MTUS2: variants seen among roughly 807,000 people sequenced by gnomAD.
MTUS2 encodes microtubule-associated tumor suppressor candidate 2.
A neutral mutation model predicts 114.1 loss-of-function variants in MTUS2; 40 were observed. The observed-to-expected ratio is 0.35, with a 90% CI of 0.27 to 0.46. The LOEUF (loss-of-function observed/expected upper bound fraction) is 0.46, where lower values mean the gene tolerates loss of function less well. Among genes scored for constraint, MTUS2 ranks in the 20% least tolerant of loss-of-function variants. MTUS2 has a pLI of 1.00. For missense variants in MTUS2, 1,679 were observed against 1,705.4 expected, an observed-to-expected ratio of 0.98 and a Z score of 0.27; for synonymous variants, 688 against 672.0, an observed-to-expected ratio of 1.02 and a Z score of -0.37.
At chr13:28,952,434 T>A (rs1882856559) in intron 2 of MTUS2, among the ~76,000 whole-genome samples, 1 of 152,256 alleles carries the variant, frequency 6.6e-6, no homozygotes, top group Admixed American at 6.5e-5. Flanking sequence ...TCCTGCAAAT[T>A]AGTAGATGCA....
chr13:29,210,690 T>C (rs1213977601), intron 5 of MTUS2, among the ~76,000 whole-genome samples: 3 of 152,274 alleles, frequency 2.0e-5, no homozygotes, highest in South Asian at 2.1e-4. Flanking sequence ...ATTATTGTTG[T>C]ATTTTTTCTG....
chr13:29,095,074 G>A (rs928614014), intron 4 of MTUS2, among the ~76,000 whole-genome samples: 1 of 151,772 alleles, frequency 6.6e-6, no homozygotes, highest in African/African-American at 2.4e-5. Flanking sequence ...TTGTTTTATG[G>A]CCTAAGATAT....
intron 5 of MTUS2, among the ~76,000 whole-genome samples, chr13:29,171,643 A>G (rs1452007423): frequency 6.6e-6 from 1 of 152,200 alleles, no homozygotes; most frequent in Non-Finnish European, 1.5e-5. Flanking sequence ...CAAAACAATT[A>G]TGGTTTGAAC....
rs555233880 is a variant in MTUS2 at position 29,348,683 on chromosome 13, G to A, written c.2906-10579G>A. Among the ~76,000 whole-genome samples the A allele has an allele frequency of 6.6e-5, 10 of 152,320 alleles. No individual in the cohort carries two copies. The East Asian group carries it at 1.9e-3, about 29-fold the overall frequency. On this transcript the variant is annotated intron_variant, in intron 7 of 15. Transcript: ENST00000612955. ...AATCTCAGACTGTAATTGCAGACTT[G>A]TCTGTTTCCTTTGTCAATTTTATCA...
intron 2 of MTUS2, among the ~76,000 whole-genome samples, chr13:28,955,484 A>C (rs959518284): frequency 5.9e-5 from 9 of 152,054 alleles, no homozygotes; most frequent in African/African-American, 2.2e-4. Context: ...TAAATAGCTT[A>C]ATGATGCCGC....
intron 2 of MTUS2, among the ~76,000 whole-genome samples, chr13:28,997,468 C>G (rs1451027008): frequency 6.6e-6 from 1 of 152,170 alleles, no homozygotes; most frequent in Non-Finnish European, 1.5e-5. Context: ...TCTCGTTGAT[C>G]TGTCTAATGT....
chr13:29,245,685 T>A (rs1256857028), intron 5 of MTUS2, among the ~76,000 whole-genome samples: 1 of 150,472 alleles, frequency 6.6e-6, no homozygotes. Flanking sequence ...TAGTATTTCA[T>A]CTATTTTAAT....
intron 13 of MTUS2, 143 bp downstream of exon 13, chr13:29,497,479 A>T (rs1882628467): frequency 3.0e-6 from 2 of 671,372 alleles, no homozygotes; most frequent in Non-Finnish European, 5.3e-6. Flanking sequence ...CCTCCCCTGG[A>T]TTTTTAAACA....
At chr13:28,978,872 T>G (rs1884232780) in intron 2 of MTUS2, among the ~76,000 whole-genome samples, 1 of 152,200 alleles carries the variant, frequency 6.6e-6, no homozygotes, top group Admixed American at 6.5e-5. Context: ...CTCTGACAGC[T>G]AAGATTGGTG....
At chr13:28,931,218 C>T (rs2138089735) in intron 2 of MTUS2, among the ~76,000 whole-genome samples, 1 of 152,176 alleles carries the variant, frequency 6.6e-6, no homozygotes, top group African/African-American at 2.4e-5. Context: ...TTCAATCAAC[C>T]ACCAATTGAA....
chr13:29,114,000 A>ACCT (rs1172381938), intron 5 of MTUS2, among the ~76,000 whole-genome samples: 4 of 151,348 alleles, frequency 2.6e-5, no homozygotes, highest in African/African-American at 9.7e-5. Context: ...AATGTGTGAC[A>ACCT]CCTCCCCCTG....
chr13:28,915,180 CTTTA>C (rs200225894), intron 2 of MTUS2, among the ~76,000 whole-genome samples: 3,471 of 151,900 alleles, frequency 0.023, 130 homozygotes, highest in African/African-American at 0.078. Context: ...ACCATATTTT[CTTTA>C]TTTATTCATC....
chr13:29,361,948 C>T (rs551384293), intron 8 of MTUS2, among the ~76,000 whole-genome samples: 2 of 152,328 alleles, frequency 1.3e-5, no homozygotes, highest in South Asian at 4.1e-4. Flanking sequence ...GAGTCAGTTC[C>T]ATCTCTGCCC....
chr13:29,315,930 T>C (rs1269620089), intron 6 of MTUS2, among the ~76,000 whole-genome samples: 2 of 152,096 alleles, frequency 1.3e-5, no homozygotes, highest in Non-Finnish European at 2.9e-5. Flanking sequence ...AAGTTTAAGG[T>C]GATGACAAGG....
intron 5 of MTUS2, among the ~76,000 whole-genome samples, chr13:29,103,114 AT>A (rs1403026849): frequency 6.6e-6 from 1 of 152,150 alleles, no homozygotes; most frequent in Non-Finnish European, 1.5e-5. Context: ...CATAGGATTC[AT>A]TTAAGGAATA....
chr13:28,925,863 T>A (rs1056357529), intron 2 of MTUS2, among the ~76,000 whole-genome samples: 2 of 152,228 alleles, frequency 1.3e-5, no homozygotes, highest in Non-Finnish European at 2.9e-5. Context: ...TGGTTGCTCT[T>A]ATTATGAAAC....
chr13:28,979,960 AGAG>A (rs1405856599), intron 2 of MTUS2, among the ~76,000 whole-genome samples: 2 of 152,196 alleles, frequency 1.3e-5, no homozygotes, highest in Non-Finnish European at 2.9e-5. Context: ...AACACCCAGA[AGAG>A]AATTAGGGAG....
chr13:29,196,593 C>T (rs1894713241), intron 5 of MTUS2, among the ~76,000 whole-genome samples: 1 of 152,106 alleles, frequency 6.6e-6, no homozygotes, highest in Non-Finnish European at 1.5e-5. Context: ...GAACTGAAAC[C>T]TTTTACACAT....
intron 2 of MTUS2, among the ~76,000 whole-genome samples, chr13:28,987,531 G>A (rs1309433900): frequency 1.3e-5 from 2 of 152,112 alleles, no homozygotes; most frequent in Non-Finnish European, 2.9e-5. Flanking sequence ...GCTTGAGGAA[G>A]CTCGACCCTA....
Sources: allele counts gnomAD v4.1 joint callset (sites outside exome capture counted in the v4.1 genomes callset), GRCh38; gene constraint gnomAD v4.1.1; transcripts MANE v1.5; gene names NCBI Gene and HGNC (gene_info 2026-07-23, HGNC 2026-07-21).